Variants in MAGI2 observed in about 807,000 individuals in gnomAD.
The protein encoded by MAGI2 is membrane-associated guanylate kinase, WW and PDZ domain-containing protein 2.
Under a neutral mutation model 133.3 loss-of-function variants are expected in MAGI2, and 35 were observed. The ratio of observed to expected loss-of-function variants is 0.26; its 90% CI spans 0.20 to 0.35. The LOEUF (loss-of-function observed/expected upper bound fraction) is 0.35, where lower values mean the gene tolerates loss of function less well. Among genes scored for constraint, MAGI2 ranks in the 10% least tolerant of loss-of-function variants. The probability of loss-of-function intolerance (pLI) is 1.00; values close to 1 mark genes in which losing one functional copy is unlikely to be tolerated. For missense variants in MAGI2, 1,636 were observed against 1,863.4 expected, an observed-to-expected ratio of 0.88 and a Z score of 2.25; for synonymous variants, 729 against 710.6, an observed-to-expected ratio of 1.03 and a Z score of -0.41.
chr7:79,352,436 G>A (rs991371104), intron 1 of MAGI2, among the ~76,000 whole-genome samples: 1 of 152,226 alleles, frequency 6.6e-6, no homozygotes, highest in Admixed American at 6.5e-5. Context: ...AGACTGGTCA[G>A]AGATTGGTAG....
chr7:78,794,289 C>T (rs1787416821), intron 2 of MAGI2, among the ~76,000 whole-genome samples: 1 of 152,152 alleles, frequency 6.6e-6, no homozygotes. Context: ...CTAAGAATCC[C>T]ATGAATTCCC....
At chr7:79,306,203 G>GTATATA (rs1042977333) in intron 1 of MAGI2, among the ~76,000 whole-genome samples, 2 of 141,494 alleles carry the variant, frequency 1.4e-5, no homozygotes, top group Non-Finnish European at 3.0e-5. Flanking sequence ...ATATATACAT[G>GTATATA]TATATATATA....
chr7:79,080,256 A>C (rs1815924889), intron 1 of MAGI2, among the ~76,000 whole-genome samples: 1 of 152,148 alleles, frequency 6.6e-6, no homozygotes, highest in South Asian at 2.1e-4. Context: ...CGACAGTCCA[A>C]AATGAAATGT....
At chr7:78,940,705 G>A (rs1800898470) in intron 2 of MAGI2, 1 of 152,136 alleles carries the variant, frequency 6.6e-6, no homozygotes, top group Non-Finnish European at 1.5e-5. Flanking sequence ...CTAAATTAAA[G>A]CAAGACTGTG....
chr7:78,899,315 T>C (rs1238922422), intron 2 of MAGI2, among the ~76,000 whole-genome samples: 2 of 152,190 alleles, frequency 1.3e-5, no homozygotes, highest in South Asian at 2.1e-4. Flanking sequence ...GAGTTGGTTA[T>C]ATATACTTAA....
intron 9 of MAGI2, among the ~76,000 whole-genome samples, chr7:78,311,158 G>A (rs1798668627): frequency 6.6e-6 from 1 of 152,136 alleles, no homozygotes; most frequent in East Asian, 1.9e-4. Context: ...AGCTAAGCTG[G>A]GATGACAATG....
At chr7:79,053,924 C>T (rs559952417) in intron 1 of MAGI2, among the ~76,000 whole-genome samples, 20 of 152,060 alleles carry the variant, frequency 1.3e-4, no homozygotes, top group South Asian at 6.2e-4. Context: ...TGGCTGGGAG[C>T]GGTGACTCAC....
At chr7:79,120,212 TG>T (rs1359982291) in intron 1 of MAGI2, among the ~76,000 whole-genome samples, 1 of 152,094 alleles carries the variant, frequency 6.6e-6, no homozygotes, top group Non-Finnish European at 1.5e-5. Context: ...TATGATCTTT[TG>T]GTATAAAAGT....
intron 20 of MAGI2, among the ~76,000 whole-genome samples, chr7:78,082,797 A>T (rs1816126308): frequency 6.6e-6 from 1 of 152,158 alleles, no homozygotes; most frequent in Non-Finnish European, 1.5e-5. Flanking sequence ...ACTCACGGGG[A>T]CCTGGTTTCA....
At chr7:79,390,075 T>C (rs1844488758) in intron 1 of MAGI2, among the ~76,000 whole-genome samples, 1 of 152,072 alleles carries the variant, frequency 6.6e-6, no homozygotes, top group South Asian at 2.1e-4. Flanking sequence ...GATTACACAG[T>C]TTAGAATTTA....
intron 2 of MAGI2, among the ~76,000 whole-genome samples, chr7:78,837,462 G>GA (rs1791737571): frequency 6.6e-6 from 1 of 152,010 alleles, no homozygotes; most frequent in East Asian, 1.9e-4. Context: ...TTTTATTATG[G>GA]AAGATAGAAC....
At chr7:78,651,612 A>T (rs547829344) in intron 2 of MAGI2, among the ~76,000 whole-genome samples, 2 of 152,172 alleles carry the variant, frequency 1.3e-5, no homozygotes, top group Non-Finnish European at 2.9e-5. Context: ...TCAAAGAATT[A>T]GCATTCTATC....
At chr7:78,747,339 G>A (rs1823016370) in intron 2 of MAGI2, among the ~76,000 whole-genome samples, 1 of 151,982 alleles carries the variant, frequency 6.6e-6, no homozygotes, top group African/African-American at 2.4e-5. Context: ...CTAAACCAGT[G>A]GAAAGAGTCA....
At chr7:78,791,982 T>C (rs1173635931) in intron 2 of MAGI2, among the ~76,000 whole-genome samples, 3 of 152,222 alleles carry the variant, frequency 2.0e-5, no homozygotes, top group African/African-American at 4.8e-5. Context: ...TTTAAAAATA[T>C]GCATAGGATG....
intron 2 of MAGI2, among the ~76,000 whole-genome samples, chr7:78,885,695 T>C (rs956868634): frequency 6.6e-6 from 1 of 152,054 alleles, no homozygotes; most frequent in African/African-American, 2.4e-5. Flanking sequence ...ATGTTTAAAA[T>C]GTATACATAC....
chr7:78,021,342 G>T (rs549350084), intron 21 of MAGI2, among the ~76,000 whole-genome samples: 1 of 152,308 alleles, frequency 6.6e-6, no homozygotes, highest in East Asian at 1.9e-4. Context: ...TGATAGATTT[G>T]AATTCTGGGT....
intron 6 of MAGI2, among the ~76,000 whole-genome samples, chr7:78,473,113 G>GA (rs918196280): frequency 5.9e-5 from 9 of 151,816 alleles, no homozygotes; most frequent in Admixed American, 1.3e-4. Flanking sequence ...AAGTGCTTTA[G>GA]AAAAAAAATG....
intron 2 of MAGI2, among the ~76,000 whole-genome samples, chr7:78,949,011 A>ACTT (rs1454519734): frequency 6.6e-6 from 1 of 152,112 alleles, no homozygotes; most frequent in Non-Finnish European, 1.5e-5. Context: ...AGTTCAGAAA[A>ACTT]CTTATAAAAA....
chr7:79,453,583 G>A lies in MAGI2; in HGVS notation c.-263C>T, dbSNP rs1194974195. The A allele has an allele frequency of 1.5e-5, 18 of 1,163,876 alleles. No individual in the cohort carries two copies. Among genetic ancestry groups the A allele is most frequent in the South Asian group, 1.1e-4 (3 of 28,112 alleles). 72.1% of individuals were successfully genotyped at this position (1,163,876 alleles called of 1,614,324 possible). A position where few individuals can be genotyped will look rare whatever the true frequency, so the allele number is the denominator to read the frequency against. On this transcript the variant is annotated 5_prime_UTR_variant, in exon 1 of 22. Transcript: ENST00000354212. The stretch of plus-strand genomic sequence containing the variant: ...GAATGACACTCAAGGCTGTGGCCCC[G>A]CAGCAGAGGAAGCAGTGGTGGTGGC...
Sources: allele counts gnomAD v4.1 joint callset (sites outside exome capture counted in the v4.1 genomes callset), GRCh38; gene constraint gnomAD v4.1.1; transcripts MANE v1.5; gene names NCBI Gene and HGNC (gene_info 2026-07-23, HGNC 2026-07-21).